Variants in BICC1 observed in about 807,000 individuals in gnomAD.
BICC1 encodes the protein BicC family RNA binding protein 1.
A neutral mutation model predicts 111.0 loss-of-function variants in BICC1; 43 were observed. That is an observed-to-expected ratio of 0.39 (90% CI 0.30 to 0.50). The LOEUF (loss-of-function observed/expected upper bound fraction) is 0.50, where lower values mean the gene tolerates loss of function less well. Ranked by LOEUF, BICC1 falls within the 20% of genes least tolerant of loss-of-function variation. The pLI, the probability that BICC1 is intolerant of heterozygous loss-of-function variation, is 0.88. For missense variants in BICC1, 1,091 were observed against 1,203.2 expected, an observed-to-expected ratio of 0.91 and a Z score of 1.38; for synonymous variants, 467 against 434.4, an observed-to-expected ratio of 1.07 and a Z score of -0.93.
At chr10:58,802,974 T>C in intron 14 of BICC1, 103 bp from the exon 15 acceptor site, 1 of 1,138,476 alleles carries the variant, frequency 8.8e-7, no homozygotes, top group East Asian at 2.7e-5. Context: ...TACGTGTAAA[T>C]AGCTGATGAT....
intron 20 of BICC1, among the ~76,000 whole-genome samples, chr10:58,825,502 A>G (rs776886632): frequency 1.1e-4 from 16 of 152,220 alleles, no homozygotes; most frequent in Non-Finnish European, 1.3e-4. Flanking sequence ...ATCTATTATA[A>G]CATGTTAAAA....
At chr10:58,781,361 C>CTTATTG (rs1387714513) in intron 3 of BICC1, among the ~76,000 whole-genome samples, 1 of 152,182 alleles carries the variant, frequency 6.6e-6, no homozygotes, top group Non-Finnish European at 1.5e-5. Context: ...CATTCAGCAA[C>CTTATTG]AGCTTATTGA....
intron 1 of BICC1, among the ~76,000 whole-genome samples, chr10:58,560,907 G>C (rs1041572411): frequency 6.6e-6 from 1 of 151,886 alleles, no homozygotes; most frequent in African/African-American, 2.4e-5. Flanking sequence ...ATTGTGATAT[G>C]ATTTCAATTT....
At chr10:58,679,936 A>G (rs540106787) in intron 2 of BICC1, among the ~76,000 whole-genome samples, 1 of 152,326 alleles carries the variant, frequency 6.6e-6, no homozygotes, top group East Asian at 1.9e-4. Context: ...AATGACAAAA[A>G]CCACATGATT....
intron 2 of BICC1, among the ~76,000 whole-genome samples, chr10:58,669,018 A>G (rs931082722): frequency 2.0e-5 from 3 of 152,120 alleles, no homozygotes; most frequent in Non-Finnish European, 4.4e-5. Flanking sequence ...TTTGTATAGT[A>G]AGAGAAACTA....
At chr10:58,783,763 A>G (rs1842940792) in intron 3 of BICC1, among the ~76,000 whole-genome samples, 1 of 152,198 alleles carries the variant, frequency 6.6e-6, no homozygotes, top group East Asian at 1.9e-4. Flanking sequence ...TTGAGACATG[A>G]TCAATGGTTG....
At chr10:58,522,738 C>A (rs1359267576) in intron 1 of BICC1, among the ~76,000 whole-genome samples, 1 of 152,036 alleles carries the variant, frequency 6.6e-6, no homozygotes, top group Non-Finnish European at 1.5e-5. Context: ...ACACAAAAAA[C>A]CCTTCAAAAA....
chr10:58,638,088 T>G (rs1383401752), intron 2 of BICC1, among the ~76,000 whole-genome samples: 1 of 152,006 alleles, frequency 6.6e-6, no homozygotes, highest in Non-Finnish European at 1.5e-5. Flanking sequence ...GAGGGCTGTT[T>G]TGGAGGAAAA....
chr10:58,746,776 A>T (rs563158558), intron 3 of BICC1, among the ~76,000 whole-genome samples: 1 of 152,284 alleles, frequency 6.6e-6, no homozygotes, highest in East Asian at 1.9e-4. Flanking sequence ...ATTGCATATA[A>T]CAAAAAGGGA....
chr10:58,745,603 C>CA (rs386371527), intron 3 of BICC1, among the ~76,000 whole-genome samples: 1 of 13,746 alleles, frequency 7.3e-5, no homozygotes, highest in Non-Finnish European at 2.5e-4. Context: ...CCCCCCACCG[C>CA]CCCCCCCCCA....
At chr10:58,808,859 A>G (rs895975372) in intron 17 of BICC1, among the ~76,000 whole-genome samples, 1 of 149,942 alleles carries the variant, frequency 6.7e-6, no homozygotes, top group African/African-American at 2.5e-5. Flanking sequence ...GGGATTACAG[A>G]CACCCACCAT....
intron 2 of BICC1, among the ~76,000 whole-genome samples, chr10:58,657,805 C>T (rs1398265550): frequency 2.1e-4 from 1 of 4,658 alleles, no homozygotes; most frequent in African/African-American, 2.8e-4. Flanking sequence ...AAAGATCACT[C>T]ATATTTTTTT....
At chr10:58,569,019 T>C (rs1482646135) in intron 1 of BICC1, among the ~76,000 whole-genome samples, 1 of 152,170 alleles carries the variant, frequency 6.6e-6, no homozygotes, top group Non-Finnish European at 1.5e-5. Context: ...TTCTTGGGGT[T>C]ATTCCTAAGA....
At chr10:58,569,065 C>A (rs2131974615) in intron 1 of BICC1, among the ~76,000 whole-genome samples, 1 of 152,266 alleles carries the variant, frequency 6.6e-6, no homozygotes, top group African/African-American at 2.4e-5. Flanking sequence ...TTTCCCTTCT[C>A]TAAATAACAA....
chr10:58,723,525 G>A (rs1841003969), intron 3 of BICC1, among the ~76,000 whole-genome samples: 1 of 152,176 alleles, frequency 6.6e-6, no homozygotes, highest in Non-Finnish European at 1.5e-5. Context: ...AAGCAGAGAG[G>A]GGTTATCTTT....
At chr10:58,667,939 A>C (rs961016190) in intron 2 of BICC1, among the ~76,000 whole-genome samples, 11 of 152,126 alleles carry the variant, frequency 7.2e-5, no homozygotes, top group Admixed American at 5.9e-4. Flanking sequence ...GGTAAAGCAC[A>C]TATTTATGAA....
chr10:58,522,290 G>A (rs1206767102), intron 1 of BICC1, among the ~76,000 whole-genome samples: 1 of 151,748 alleles, frequency 6.6e-6, no homozygotes, highest in Non-Finnish European at 1.5e-5. Flanking sequence ...ACTTTTCATT[G>A]TAGAAATTTT....
intron 1 of BICC1, among the ~76,000 whole-genome samples, chr10:58,609,287 T>A (rs1845335009): frequency 6.6e-6 from 1 of 152,242 alleles, no homozygotes; most frequent in South Asian, 2.1e-4. Flanking sequence ...TGCAAAATGT[T>A]CCCAGGAGGT....
chr10:58,824,120 G>T (rs1458019412), intron 20 of BICC1: 46 of 983,002 alleles, frequency 4.7e-5, no homozygotes, highest in Non-Finnish European at 5.0e-5. Flanking sequence ...CGATTTCTCA[G>T]ATTTGTATTC....
Sources: gnomAD v4.1 joint callset for allele counts (sites outside exome capture counted in the v4.1 genomes callset) on GRCh38, gnomAD v4.1.1 for gene constraint, MANE v1.5 for transcripts, NCBI Gene and HGNC (gene_info 2026-07-23, HGNC 2026-07-21) for gene names.